Variants in RIMS1 observed in about 807,000 individuals in gnomAD.
RIMS1 encodes regulating synaptic membrane exocytosis 1, also known as regulating synaptic membrane exocytosis protein 1.
RIMS1 carries 83 observed loss-of-function variants against 214.1 expected under a neutral mutation model. The observed-to-expected ratio is 0.39, with a 90% CI of 0.32 to 0.47. The LOEUF is 0.47. RIMS1 is among the 20% of genes least tolerant of loss of function. The probability of loss-of-function intolerance (pLI) is 0.99; values close to 1 mark genes in which losing one functional copy is unlikely to be tolerated. For missense variants in RIMS1, 2,050 were observed against 2,161.8 expected, an observed-to-expected ratio of 0.95 and a Z score of 1.03; for synonymous variants, 793 against 786.8, an observed-to-expected ratio of 1.01 and a Z score of -0.13.
intron 2 of RIMS1, among the ~76,000 whole-genome samples, chr6:72,012,110 GA>G (rs1810877858): frequency 6.6e-6 from 1 of 152,190 alleles, no homozygotes; most frequent in African/African-American, 2.4e-5. Context: ...ACTGCATAAA[GA>G]AAATGTGGCA....
chr6:72,123,563 A>C (rs546713863), intron 4 of RIMS1, among the ~76,000 whole-genome samples: 2 of 151,948 alleles, frequency 1.3e-5, no homozygotes, highest in Admixed American at 6.6e-5. Flanking sequence ...TCTAATATTG[A>C]CAGTGGGGTG....
At chr6:71,969,964 C>T (rs1260533706) in intron 2 of RIMS1, among the ~76,000 whole-genome samples, 1 of 152,106 alleles carries the variant, frequency 6.6e-6, no homozygotes, top group African/African-American at 2.4e-5. Flanking sequence ...TTGATTTCTT[C>T]TCTACTCCCT....
intron 4 of RIMS1, among the ~76,000 whole-genome samples, chr6:72,157,034 TA>T (rs1158743241): frequency 1.4e-5 from 2 of 140,530 alleles, no homozygotes; most frequent in Non-Finnish European, 3.2e-5. Flanking sequence ...CACTGATGCT[TA>T]AAAAAGCAAT....
chr6:71,905,129 C>T (rs892934287), intron 1 of RIMS1, among the ~76,000 whole-genome samples: 2 of 151,962 alleles, frequency 1.3e-5, no homozygotes, highest in African/African-American at 4.8e-5. Context: ...CAGTCCTTAC[C>T]TCTTCCTTTG....
intron 4 of RIMS1, among the ~76,000 whole-genome samples, chr6:72,111,297 A>G (rs553703937): frequency 3.9e-5 from 6 of 151,978 alleles, no homozygotes; most frequent in Non-Finnish European, 7.4e-5. Context: ...ACTTTTTCTC[A>G]TCATCTTCAC....
At chr6:71,923,792 G>T (rs1780750441) in intron 1 of RIMS1, among the ~76,000 whole-genome samples, 1 of 152,066 alleles carries the variant, frequency 6.6e-6, no homozygotes, top group South Asian at 2.1e-4. Context: ...TTGAACTGCT[G>T]ACCTCAGGTG....
chr6:72,069,663 T>G (rs1265426731), intron 2 of RIMS1, among the ~76,000 whole-genome samples: 2 of 152,236 alleles, frequency 1.3e-5, no homozygotes, highest in African/African-American at 4.8e-5. Flanking sequence ...GCTCAAAACC[T>G]TCTTTATTCT....
At chr6:72,334,277 T>C (rs1303008183) in intron 29 of RIMS1, among the ~76,000 whole-genome samples, 1 of 151,856 alleles carries the variant, frequency 6.6e-6, no homozygotes, top group African/African-American at 2.4e-5. Flanking sequence ...TGTATAAATA[T>C]AATAATTGAA....
At chr6:72,344,915 G>C (rs944758275) in intron 29 of RIMS1, among the ~76,000 whole-genome samples, 1 of 151,784 alleles carries the variant, frequency 6.6e-6, no homozygotes, top group African/African-American at 2.4e-5. Flanking sequence ...ATTGATTTCA[G>C]TGGAATTAAT....
chr6:72,120,101 T>C (rs2037946233), intron 4 of RIMS1, among the ~76,000 whole-genome samples: 2 of 151,744 alleles, frequency 1.3e-5, no homozygotes, highest in African/African-American at 2.4e-5. Flanking sequence ...GTGAATAGTG[T>C]CCCAATAAAC....
In RIMS1 at chr6:72,182,630, G is replaced by C. The variant is rs1310186803; in HGVS notation, c.1159G>C (p.Glu387Gln). 3 of 1,544,476 alleles carry C rather than the reference G, an allele frequency of 1.9e-6. No homozygotes were observed. Among genetic ancestry groups the C allele is most frequent in the South Asian group, 2.4e-5 (2 of 83,680 alleles). Residue 387 changes from glutamate (E) to glutamine (Q), a missense_variant, in exon 6 of 34, where the codon GAG becomes CAG. Glu to Gln is a conservative substitution (Grantham distance 29). Transcript: ENST00000521978. ...CGCCCGGGTGTCCCGCGCCAGGCAC[G>C]AGCGGCGCCACAGCGACGTGGCGCT... The part of the protein sequence containing the change: ...MHARVSRARH[E>Q]RRHSDVALPR...
At chr6:72,378,310 A>T (rs1451420944) in intron 29 of RIMS1, among the ~76,000 whole-genome samples, 3 of 152,172 alleles carry the variant, frequency 2.0e-5, no homozygotes, top group Admixed American at 2.0e-4. Flanking sequence ...TCTAAATCAA[A>T]CCACCCCAAT....
At chr6:72,074,258 T>A (rs1391538615) in intron 2 of RIMS1, among the ~76,000 whole-genome samples, 2 of 152,226 alleles carry the variant, frequency 1.3e-5, no homozygotes, top group Non-Finnish European at 2.9e-5. Flanking sequence ...CATAATGGAT[T>A]GTGTTACATA....
intron 4 of RIMS1, among the ~76,000 whole-genome samples, chr6:72,165,058 A>G (rs2046065498): frequency 6.6e-6 from 1 of 152,250 alleles, no homozygotes; most frequent in Non-Finnish European, 1.5e-5. Flanking sequence ...TCCATACTCT[A>G]TATTATTTCC....
intron 2 of RIMS1, among the ~76,000 whole-genome samples, chr6:72,008,263 A>G (rs1808656073): frequency 6.6e-6 from 1 of 152,194 alleles, no homozygotes. Flanking sequence ...CTTTACAGAC[A>G]AGCAAATGCT....
rs1262736040 is a variant in RIMS1 at position 71,887,040 on chromosome 6, G to C, written c.17G>C (p.Gly6Ala). The C allele has an allele frequency of 6.2e-7, 1 of 1,613,230 alleles. No homozygotes were observed. Among genetic ancestry groups the C allele is most frequent in the East Asian group, 2.2e-5 (1 of 44,848 alleles). Residue 6 changes from glycine (G) to alanine (A), a missense_variant, in exon 1 of 34, where the codon GGG becomes GCG. Physicochemically the swap from Gly to Ala is moderately conservative, Grantham distance 60 (BLOSUM62 0). This residue lies in a region of RIMS1 where 882 missense variants were observed against 828.9 expected (regional missense o/e 1.06). Coordinates refer to ENST00000521978, the MANE Select transcript of RIMS1 (RefSeq NM_014989.7). The part of the protein sequence containing the change: MSSAV[G>A]PRGPRPPTVP... ...GCCACGAAAATGTCCTCGGCCGTGG[G>C]GCCCCGCGGTCCTCGCCCACCCACG...
At chr6:72,183,670 T>A (rs920553686) in intron 6 of RIMS1, among the ~76,000 whole-genome samples, 1 of 152,074 alleles carries the variant, frequency 6.6e-6, no homozygotes, top group African/African-American at 2.4e-5. Flanking sequence ...TGGGTCCACT[T>A]ATATATGGAT....
chr6:72,083,078 A>G (rs1833810110), intron 2 of RIMS1, among the ~76,000 whole-genome samples: 1 of 152,210 alleles, frequency 6.6e-6, no homozygotes. Context: ...CACCTAAAAG[A>G]AGAAAAGGCA....
Position 72,179,754 on chromosome 6 carries a change from G to T in RIMS1, c.651G>T (p.Arg217=). The change falls in exon 5 of 34, where the codon CGG becomes CGT. Residue 217 remains arginine (R), a synonymous_variant. Transcript: ENST00000521978. ...AAGCACGACTCCAAGAGCGATCGCG[G>T]TCTCAGACACCCCTAAGCACAGCAG... ...EKKARLQERS[R]SQTPLSTAAA... The T allele has an allele frequency of 6.2e-7, 1 of 1,613,816 alleles. No homozygotes were observed. The highest frequency in any genetic ancestry group is 1.1e-5 in the South Asian group (1 of 91,080).
Sources: gnomAD v4.1 joint callset for allele counts (sites outside exome capture counted in the v4.1 genomes callset) on GRCh38, gnomAD v4.1.1 for gene constraint, gnomAD v4.1.1 regional missense constraint, MANE v1.5 for transcripts, NCBI Gene and HGNC (gene_info 2026-07-23, HGNC 2026-07-21) for gene names.